The following CHD1 variants were observed in gnomAD, a reference collection of about 807,000 sequenced individuals.
CHD1 encodes the protein ATP-dependent chromatin remodeler CHD1.
Under a neutral mutation model 224.2 loss-of-function variants are expected in CHD1, and 36 were observed. The observed-to-expected ratio is 0.16, with a 90% CI of 0.12 to 0.21. CHD1 has a LOEUF of 0.21. Among genes scored for constraint, CHD1 ranks in the 10% least tolerant of loss-of-function variants. The pLI is 1.00. For synonymous variants in CHD1, 668 were observed against 658.3 expected (o/e 1.01, Z -0.23); for missense variants, 1,378 against 1,994.8 (o/e 0.69, Z 5.89).
intron 33 of CHD1, 119 bp downstream of exon 33, chr5:98,859,853 G>C (rs1256624852): frequency 1.8e-6 from 1 of 547,100 alleles, no homozygotes; most frequent in African/African-American, 2.0e-5. Flanking sequence ...GGTGTTCAAT[G>C]GTGATTTTTT....
chr5:98,876,639 C>A, intron 23 of CHD1, 81 bp from the exon 24 acceptor site: 2 of 1,210,418 alleles, frequency 1.7e-6, no homozygotes, highest in South Asian at 2.9e-5. Context: ...AAAAGATGGT[C>A]GGAATCTTAA....
At chr5:98,894,232 G>A (rs1751204793) in intron 13 of CHD1, among the ~76,000 whole-genome samples, 2 of 152,180 alleles carry the variant, frequency 1.3e-5, no homozygotes, top group African/African-American at 4.8e-5. Flanking sequence ...TTCACACAGT[G>A]GTAGCTTAAT....
At chr5:98,859,685 T>C (rs1748318058) in intron 33 of CHD1, among the ~76,000 whole-genome samples, 1 of 152,144 alleles carries the variant, frequency 6.6e-6, no homozygotes, top group Non-Finnish European at 1.5e-5. Context: ...TTAACTTTGA[T>C]CACTTGTTTA....
intron 3 of CHD1, 35 bp from the exon 4 acceptor site, chr5:98,903,943 T>C: frequency 7.2e-7 from 1 of 1,379,620 alleles, no homozygotes; most frequent in Non-Finnish European, 1.0e-6. Flanking sequence ...AATGAAGAAG[T>C]ATTAAGAAAA....
In CHD1 at chr5:98,883,071, A is replaced by G; in HGVS notation, c.2718+17T>C. 1 of 1,403,798 alleles carries G rather than the reference A, an allele frequency of 7.1e-7. No individual in the cohort carries two copies. The highest frequency in any genetic ancestry group is 9.4e-7 in the Non-Finnish European group (1 of 1,068,214). 87.0% of individuals were successfully genotyped at this position (1,403,798 alleles called of 1,614,324 possible). On this transcript the variant is annotated intron_variant, in intron 19 of 35. Transcript: ENST00000614616. ...ATTCTAAAACAGCAATATAATATAA[A>G]TTAAAATTAAAAATACCTGTTTCTT... is the stretch of plus-strand genomic sequence containing the variant.
chr5:98,901,022 A>C lies in CHD1; in HGVS notation c.648T>G (p.Ser216=), dbSNP rs761544598. Residue 216 remains serine (S), a synonymous_variant, in exon 7 of 36, where the codon TCT becomes TCG. Transcript: ENST00000614616. ...AATCTTCTTCATCATCATCCTCCTCAGATGAATCAATCTGTCTCTTTTTTT... is the reference window on the plus strand; with the variant it reads ...AATCTTCTTCATCATCATCCTCCTCCGATGAATCAATCTGTCTCTTTTTTT... The part of the protein sequence containing the change: ...LGQKKRQIDS[S]EEDDDEEDYD... 2.5e-6 allele frequency: 4 copies of C among 1,612,444 alleles called. No homozygotes were observed. In the Admixed American group the frequency reaches 6.7e-5, roughly 27 times the overall value.
At chr5:98,917,811 C>G (rs1053405484) in intron 2 of CHD1, among the ~76,000 whole-genome samples, 3 of 152,168 alleles carry the variant, frequency 2.0e-5, no homozygotes, top group African/African-American at 7.2e-5. Flanking sequence ...TGCAATTTAA[C>G]ATTTAAAGTT....
At chr5:98,916,203 T>C (rs1752717699) in intron 2 of CHD1, among the ~76,000 whole-genome samples, 1 of 151,398 alleles carries the variant, frequency 6.6e-6, no homozygotes. Context: ...AAAAAATAAA[T>C]AAATAAAAGT....
Position 98,855,640 on chromosome 5 carries a change from C to T in CHD1, c.*740G>A, listed in dbSNP as rs1747968076. On this transcript the variant is annotated 3_prime_UTR_variant, in exon 36 of 36. Transcript: ENST00000614616. ...ATTCTAAACAATGATTCCATCAAGACAAATCATTAAAAAGTGTTATTACAC... is the reference window on the plus strand; with the variant it reads ...ATTCTAAACAATGATTCCATCAAGATAAATCATTAAAAAGTGTTATTACAC... 1 of 144,308 alleles carries T rather than the reference C, an allele frequency of 6.9e-6. No individual in the cohort carries two copies. The highest frequency in any genetic ancestry group is 2.6e-5 in the African/African-American group (1 of 39,072). 8.9% of individuals were successfully genotyped at this position (144,308 alleles called of 1,614,324 possible).
rs986760020 is a variant in CHD1, at chr5:98,888,998, T to A, written c.2343+78A>T. ...AACTTTTATCCAATAAGTTAAAGCA[T>A]TGAGCCATTTTCGATTGTAAGTGAA... On this transcript the variant is annotated intron_variant, in intron 16 of 35. Transcript: ENST00000614616. The A allele has an allele frequency of 6.3e-6, 6 of 959,146 alleles. No individual in the cohort carries two copies. In the Admixed American group the frequency reaches 7.2e-5, roughly 11 times the overall value. 59.4% of individuals were successfully genotyped at this position (959,146 alleles called of 1,614,324 possible).
chr5:98,901,749 TAAAAA>T (rs34642604), intron 5 of CHD1, among the ~76,000 whole-genome samples: 1 of 141,824 alleles, frequency 7.1e-6, no homozygotes, highest in Non-Finnish European at 1.5e-5. Flanking sequence ...ATAGAAAAAT[TAAAAA>T]AAAAAAAAAG....
At chr5:98,911,179 A>G (rs1286246945) in intron 2 of CHD1, among the ~76,000 whole-genome samples, 1 of 137,718 alleles carries the variant, frequency 7.3e-6, no homozygotes, top group African/African-American at 2.7e-5. Context: ...ATATATATAG[A>G]GGCATGTCAA....
intron 31 of CHD1, among the ~76,000 whole-genome samples, chr5:98,865,986 C>A (rs1024739036): frequency 5.3e-5 from 8 of 152,120 alleles, no homozygotes; most frequent in Non-Finnish European, 1.2e-4. Context: ...TACAATTTCA[C>A]CTAATTCATT....
rs1747947233 is a variant in CHD1 at position 98,855,391 on chromosome 5, G to C, written c.*989C>G. On this transcript the variant is annotated 3_prime_UTR_variant, in exon 36 of 36. Transcript: ENST00000614616. ...ATTTACAATAACTTTTGGCCGTTTT[G>C]GATTCTGAAAAGTGTTTATACACCT... The C allele has an allele frequency of 6.6e-6, 1 of 152,422 alleles. No individual in the cohort carries two copies. The highest frequency in any genetic ancestry group is 6.6e-5 in the Admixed American group (1 of 15,242). 9.4% of individuals were successfully genotyped at this position (152,422 alleles called of 1,614,324 possible). A position where few individuals can be genotyped will look rare whatever the true frequency, so the allele number is the denominator to read the frequency against.
Position 98,905,041 on chromosome 5 carries a change from T to C in CHD1, c.111A>G (p.Gly37=). The change falls in exon 3 of 36, where the codon GGA becomes GGG. Residue 37 remains glycine (G), a synonymous_variant. Coordinates refer to ENST00000614616, the MANE Select transcript of CHD1 (RefSeq NM_001270.4). ...ASGSGSGSSS[G]SSSDGSSSQS... is the part of the protein sequence containing the mutation. Reference sequence around the variant, plus strand: ...GGCTACTGCTTCCATCACTACTGCTTCCAGAACTCGAACCAGATCCAGAGC... The same window carrying C: ...GGCTACTGCTTCCATCACTACTGCTCCCAGAACTCGAACCAGATCCAGAGC... 6.3e-7 allele frequency: 1 copy of C among 1,584,616 alleles called. No homozygotes were observed. The highest frequency in any genetic ancestry group is 8.7e-7 in the Non-Finnish European group (1 of 1,153,068).
rs34603767 is a variant in CHD1 at position 98,926,918 on chromosome 5, TGG to T, written c.-148-386_-148-385del. On this transcript the variant is annotated intron_variant, in intron 1 of 35. Coordinates refer to ENST00000614616, the MANE Select transcript of CHD1 (RefSeq NM_001270.4). ...AGATAACTTGGTCGAATAAATGAAG[TGG>T]GGGGGGGGGTGGGAGGAGGTTACCT... 4.7e-3 allele frequency among the ~76,000 whole-genome samples: 278 copies of T among 59,680 alleles called. 2 individuals carry two copies. Among genetic ancestry groups the T allele is most frequent in the Non-Finnish European group, 6.6e-3 (211 of 31,894 alleles). The allele number at this position is 59,680 out of a possible 152,430, so 39.2% of individuals were successfully genotyped here. A position where few individuals can be genotyped will look rare whatever the true frequency, so the allele number is the denominator to read the frequency against.
In CHD1 at chr5:98,903,840, CTGCTGT is replaced by C. The variant is rs778853317; in HGVS notation, c.318_323del (p.Gln112_Gln113del). The C allele has an allele frequency of 1.8e-5, 29 of 1,613,576 alleles. No homozygotes were observed. The highest frequency in any genetic ancestry group is 2.2e-5 in the Non-Finnish European group (26 of 1,179,720). On this transcript the variant is annotated inframe_deletion, in exon 4 of 36. Coordinates refer to ENST00000614616, the MANE Select transcript of CHD1 (RefSeq NM_001270.4). ...AGGCTTGATGTTGTTGTTGCTGCTGCTGCTGTTGCTGCTTCTTGAGGATTGCAGATC... is the reference window on the plus strand; with the variant it reads ...AGGCTTGATGTTGTTGTTGCTGCTGCTGCTGCTTCTTGAGGATTGCAGATC...
In CHD1 at chr5:98,909,197, T is replaced by G. The variant is rs143077685; in HGVS notation, c.54-4099A>C. ...GAATATTAAATATCCAATCAGGCTA[T>G]CCCTTTAGTCTCATAATTGTTTCTT... On this transcript the variant is annotated intron_variant, in intron 2 of 35. Transcript: ENST00000614616. 1.1e-3 allele frequency among the ~76,000 whole-genome samples: 168 copies of G among 152,306 alleles called. 1 individual carries two copies. Among genetic ancestry groups the G allele is most frequent in the Middle Eastern group, 6.8e-3 (2 of 294 alleles).
intron 19 of CHD1, among the ~76,000 whole-genome samples, chr5:98,882,738 T>C (rs866288693): frequency 1.2e-4 from 19 of 152,250 alleles, no homozygotes; most frequent in African/African-American, 3.1e-4. Flanking sequence ...GGACAAAATA[T>C]AGACTAACAG....
Sources: allele counts gnomAD v4.1 joint callset (sites outside exome capture counted in the v4.1 genomes callset), GRCh38; gene constraint gnomAD v4.1.1; transcripts MANE v1.5; gene names NCBI Gene and HGNC (gene_info 2026-07-23, HGNC 2026-07-21).